Variants in UVRAG observed in about 807,000 individuals in gnomAD.
The protein encoded by UVRAG is UV radiation resistance-associated gene protein.
A neutral mutation model predicts 78.0 loss-of-function variants in UVRAG; 19 were observed. The ratio of observed to expected loss-of-function variants is 0.24; its 90% CI spans 0.17 to 0.36. The LOEUF (loss-of-function observed/expected upper bound fraction) is 0.36. Ranked by LOEUF, UVRAG falls within the 10% of genes least tolerant of loss-of-function variation. The probability of loss-of-function intolerance (pLI) is 1.00; values close to 1 mark genes in which losing one functional copy is unlikely to be tolerated. For missense variants in UVRAG, 740 were observed against 853.8 expected (o/e 0.87, Z 1.66); for synonymous variants, 323 against 324.6 (o/e 1.00, Z 0.05).
intron 4 of UVRAG, among the ~76,000 whole-genome samples, chr11:75,887,527 A>G (rs1305194334): frequency 7.0e-6 from 1 of 143,314 alleles, no homozygotes; most frequent in Non-Finnish European, 1.5e-5. Flanking sequence ...GGCTCTCTGC[A>G]AGCTCTGCCT....
intron 6 of UVRAG, among the ~76,000 whole-genome samples, chr11:75,954,980 A>G (rs1948767232): frequency 6.6e-6 from 1 of 152,224 alleles, no homozygotes; most frequent in Non-Finnish European, 1.5e-5. Context: ...GGCACATAGA[A>G]CAACTCACAC....
At chr11:76,030,934 A>T (rs1416030353) in intron 12 of UVRAG, among the ~76,000 whole-genome samples, 1 of 152,154 alleles carries the variant, frequency 6.6e-6, no homozygotes, top group Non-Finnish European at 1.5e-5. Flanking sequence ...TGAGTTATTT[A>T]TCCTTGTCTG....
At chr11:76,027,810 C>G (rs900165455) in intron 12 of UVRAG, among the ~76,000 whole-genome samples, 1 of 152,070 alleles carries the variant, frequency 6.6e-6, no homozygotes, top group African/African-American at 2.4e-5. Flanking sequence ...TGGGAAAGTA[C>G]TGTATTTCCT....
intron 2 of UVRAG, among the ~76,000 whole-genome samples, chr11:75,856,706 A>G (rs1433836390): frequency 6.6e-6 from 1 of 152,158 alleles, no homozygotes; most frequent in Non-Finnish European, 1.5e-5. Context: ...TTGGTTCCCA[A>G]AGTGCTGGGA....
At chr11:76,137,562 T>C (rs895938383) in intron 14 of UVRAG, 5 of 419,860 alleles carry the variant, frequency 1.2e-5, no homozygotes, top group Non-Finnish European at 2.3e-5. Flanking sequence ...TAGACTTCTT[T>C]ATTATCTCTC....
At chr11:76,097,187 C>T (rs1185070749) in intron 13 of UVRAG, among the ~76,000 whole-genome samples, 3 of 152,170 alleles carry the variant, frequency 2.0e-5, no homozygotes, top group Non-Finnish European at 4.4e-5. Flanking sequence ...GACCCTCTGT[C>T]ACACCTCGTC....
chr11:76,039,118 G>A (rs1950594282), intron 12 of UVRAG, among the ~76,000 whole-genome samples: 1 of 152,044 alleles, frequency 6.6e-6, no homozygotes, highest in East Asian at 2.0e-4. Flanking sequence ...GTGTGACTTT[G>A]GACAAGTTAC....
intron 6 of UVRAG, among the ~76,000 whole-genome samples, chr11:75,926,710 G>A (rs1948113201): frequency 6.6e-6 from 1 of 152,086 alleles, no homozygotes; most frequent in Non-Finnish European, 1.5e-5. Context: ...TTACTTTGAT[G>A]GGAAAGAGCC....
chr11:76,049,320 G>A (rs966042503), intron 12 of UVRAG, among the ~76,000 whole-genome samples: 2 of 152,268 alleles, frequency 1.3e-5, no homozygotes, highest in Admixed American at 6.5e-5. Context: ...ATATAATATT[G>A]TTAATAGGAC....
At chr11:75,954,763 A>AC (rs1948763125) in intron 6 of UVRAG, among the ~76,000 whole-genome samples, 1 of 152,232 alleles carries the variant, frequency 6.6e-6, no homozygotes, top group South Asian at 2.1e-4. Context: ...ATCTGGTGAA[A>AC]TAGGCAAAGA....
chr11:75,982,242 A>G (rs1053478311), intron 7 of UVRAG, among the ~76,000 whole-genome samples: 1 of 152,192 alleles, frequency 6.6e-6, no homozygotes, highest in Non-Finnish European at 1.5e-5. Flanking sequence ...CCAGATGAGT[A>G]TAGAAGTCCA....
At chr11:76,043,160 G>A (rs577014483) in intron 12 of UVRAG, among the ~76,000 whole-genome samples, 64 of 152,256 alleles carry the variant, frequency 4.2e-4, no homozygotes, top group Middle Eastern at 3.4e-3. Flanking sequence ...TCAACTCTGC[G>A]TAGTGAGTAT....
chr11:75,961,542 A>G lies in UVRAG; in HGVS notation c.692A>G (p.Asn231Ser), dbSNP rs776404577. Residue 231 changes from asparagine to serine, a missense_variant, in exon 7 of 15, where the codon AAT (asparagine) becomes AGT (serine). Coordinates refer to ENST00000356136, the MANE Select transcript of UVRAG (RefSeq NM_003369.4). The stretch of plus-strand genomic sequence containing the variant: ...AAACTAAGACTCACATCTACAAGCA[A>G]TGAACTGGTAGGTTTTTATGTATTT... ...EEKLRLTSTS[N>S]ELKKKSECLQ... The G allele has an allele frequency of 6.1e-5, 98 of 1,596,172 alleles. 1 individual carries two copies. In the East Asian group the frequency reaches 9.5e-4, roughly 15 times the overall value.
At chr11:76,117,945 A>G (rs1565168276) in intron 14 of UVRAG, among the ~76,000 whole-genome samples, 1 of 152,178 alleles carries the variant, frequency 6.6e-6, no homozygotes, top group African/African-American at 2.4e-5. Context: ...GGAAAAGCTA[A>G]CCTCCATATC....
At chr11:76,030,425 A>G (rs1950414835) in intron 12 of UVRAG, among the ~76,000 whole-genome samples, 3 of 152,204 alleles carry the variant, frequency 2.0e-5, no homozygotes, top group Admixed American at 2.0e-4. Context: ...TTAACTGTCT[A>G]CAGTCTGCTA....
intron 12 of UVRAG, among the ~76,000 whole-genome samples, chr11:76,063,166 CAG>C (rs1189447236): frequency 2.0e-5 from 3 of 152,126 alleles, no homozygotes; most frequent in East Asian, 1.9e-4. Context: ...AGAGACTTGA[CAG>C]AGAGGCAAAG....
intron 3 of UVRAG, among the ~76,000 whole-genome samples, chr11:75,870,303 A>G (rs1007253508): frequency 6.6e-6 from 1 of 152,230 alleles, no homozygotes; most frequent in Non-Finnish European, 1.5e-5. Context: ...CACCCAGGTC[A>G]TCTATTCAAC....
chr11:75,962,006 TC>T (rs1948920417), intron 7 of UVRAG, among the ~76,000 whole-genome samples: 1 of 152,142 alleles, frequency 6.6e-6, no homozygotes, highest in South Asian at 2.1e-4. Flanking sequence ...GAAATAGAAA[TC>T]CTAACCCAAA....
intron 5 of UVRAG, among the ~76,000 whole-genome samples, chr11:75,901,824 AAGATTTGTTCACGTC>A (rs1470252031): frequency 5.3e-5 from 8 of 152,184 alleles, no homozygotes; most frequent in African/African-American, 1.7e-4. Context: ...TTCTCAGGCT[AAGATTTGTTCACGTC>A]AGTTTTAGCT....
Sources: gnomAD v4.1 joint callset for allele counts (sites outside exome capture counted in the v4.1 genomes callset) on GRCh38, gnomAD v4.1.1 for gene constraint, MANE v1.5 for transcripts, NCBI Gene and HGNC (gene_info 2026-07-23, HGNC 2026-07-21) for gene names.